The following MARCHF11 variants were observed in gnomAD, a reference collection of about 807,000 sequenced individuals.
MARCHF11 encodes E3 ubiquitin-protein ligase MARCHF11.
Under a neutral mutation model 37.3 loss-of-function variants are expected in MARCHF11, and 29 were observed. The observed-to-expected ratio is 0.78, with a 90% CI of 0.58 to 1.06. The LOEUF (loss-of-function observed/expected upper bound fraction) is 1.06, where lower values mean the gene tolerates loss of function less well. MARCHF11 is among the 50% of genes least tolerant of loss of function. The pLI, the probability that MARCHF11 is intolerant of heterozygous loss-of-function variation, is 0.00. For synonymous variants in MARCHF11, 233 were observed against 228.0 expected, an observed-to-expected ratio of 1.02 and a Z score of -0.20; for missense variants, 482 against 533.4, an observed-to-expected ratio of 0.90 and a Z score of 0.95.
chr5:16,168,285 A>G (rs892351411), intron 2 of MARCHF11, among the ~76,000 whole-genome samples: 1 of 152,068 alleles, frequency 6.6e-6, no homozygotes, highest in Non-Finnish European at 1.5e-5. Flanking sequence ...ACCCATCCTT[A>G]TATGTTTCAC....
In MARCHF11 at chr5:16,159,009, T is replaced by C. The variant is rs6897610; in HGVS notation, c.693+18717A>G. On this transcript the variant is annotated intron_variant, in intron 2 of 3. Coordinates refer to ENST00000332432, the MANE Select transcript of MARCHF11 (RefSeq NM_001102562.3). The stretch of plus-strand genomic sequence containing the variant: ...AATGATAAGTATGCAAGATAATGGA[T>C]ATGCCAACTAGCTCAATTTAGCCAT... 8.6e-3 allele frequency among the ~76,000 whole-genome samples: 1,306 copies of C among 152,020 alleles called. 23 individuals are homozygous for C. Among genetic ancestry groups the C allele is most frequent in the African/African-American group, 0.03 (1,231 of 41,494 alleles).
chr5:16,092,997 C>T (rs1042774751), intron 2 of MARCHF11, among the ~76,000 whole-genome samples: 1 of 152,178 alleles, frequency 6.6e-6, no homozygotes, highest in African/African-American at 2.4e-5. Flanking sequence ...GTTTTGAATG[C>T]AATATGGTGA....
chr5:16,068,604 T>C (rs1736387748), intron 3 of MARCHF11, among the ~76,000 whole-genome samples: 1 of 152,196 alleles, frequency 6.6e-6, no homozygotes, highest in South Asian at 2.1e-4. Context: ...GAAAATAAAG[T>C]AATACAGCAA....
chr5:16,069,688 C>T (rs973375558), intron 3 of MARCHF11, among the ~76,000 whole-genome samples: 4 of 151,986 alleles, frequency 2.6e-5, no homozygotes, highest in Non-Finnish European at 4.4e-5. Context: ...TGGAAGAAAG[C>T]GGGGAAAATC....
chr5:16,137,231 A>T (rs1447485892), intron 2 of MARCHF11, among the ~76,000 whole-genome samples: 1 of 152,174 alleles, frequency 6.6e-6, no homozygotes, highest in Non-Finnish European at 1.5e-5. Flanking sequence ...AGCTCCCATC[A>T]TCCCCATGTG....
At chr5:16,160,317 T>A (rs972836110) in intron 2 of MARCHF11, among the ~76,000 whole-genome samples, 1 of 18,818 alleles carries the variant, frequency 5.3e-5, no homozygotes, top group Non-Finnish European at 8.9e-4. Context: ...ATATTTAATA[T>A]AAACATTTAA....
intron 2 of MARCHF11, among the ~76,000 whole-genome samples, chr5:16,100,310 ACTC>A (rs1437094880): frequency 1.3e-5 from 2 of 152,122 alleles, no homozygotes; most frequent in Non-Finnish European, 2.9e-5. Context: ...CTGCCCTTTA[ACTC>A]CAGGACCAGA....
At chr5:16,107,602 G>T (rs1737065018) in intron 2 of MARCHF11, among the ~76,000 whole-genome samples, 1 of 152,100 alleles carries the variant, frequency 6.6e-6, no homozygotes, top group Admixed American at 6.5e-5. Context: ...CCCCAGCAAA[G>T]GCCCAGCTTA....
chr5:16,119,134 G>A (rs1737269495), intron 2 of MARCHF11, among the ~76,000 whole-genome samples: 1 of 151,944 alleles, frequency 6.6e-6, no homozygotes, highest in Admixed American at 6.6e-5. Flanking sequence ...AGGCCGAGGT[G>A]GGTGGATCAC....
intron 2 of MARCHF11, among the ~76,000 whole-genome samples, chr5:16,137,971 CT>C (rs1737635066): frequency 6.6e-6 from 1 of 152,150 alleles, no homozygotes; most frequent in African/African-American, 2.4e-5. Flanking sequence ...GGAATTGGAA[CT>C]TATGTTTAAG....
At position 16,179,607 on chromosome 5, in the gene MARCHF11, G is replaced by C. The variant is rs1579431872; in HGVS notation, c.-32C>G. 8.7e-7 allele frequency: 1 copy of C among 1,151,488 alleles called. No homozygotes were observed. Among genetic ancestry groups the C allele is most frequent in the Non-Finnish European group, 1.1e-6 (1 of 936,806 alleles). The allele number at this position is 1,151,488 out of a possible 1,614,324, so 71.3% of individuals were successfully genotyped here. A position where few individuals can be genotyped will look rare whatever the true frequency, so the allele number is the denominator to read the frequency against. On this transcript the variant is annotated 5_prime_UTR_variant, in exon 1 of 4. Transcript: ENST00000332432. ...GCCGCCGCCGCCCTCCTGCCGGCCC[G>C]GCTGGCGGGCCGGGCTCTGGCTGCA...
At chr5:16,081,522 G>A (rs1736607596) in intron 3 of MARCHF11, among the ~76,000 whole-genome samples, 1 of 152,182 alleles carries the variant, frequency 6.6e-6, no homozygotes, top group African/African-American at 2.4e-5. Context: ...CACAGGCGGT[G>A]GACTGGATTT....
intron 3 of MARCHF11, among the ~76,000 whole-genome samples, chr5:16,085,338 G>A (rs182851015): frequency 9.2e-5 from 14 of 152,104 alleles, no homozygotes; most frequent in East Asian, 1.9e-4. Context: ...CCTGCATGTC[G>A]CATCCCTGCG....
At chr5:16,139,261 G>C (rs1239060151) in intron 2 of MARCHF11, among the ~76,000 whole-genome samples, 2 of 152,148 alleles carry the variant, frequency 1.3e-5, no homozygotes, top group Non-Finnish European at 2.9e-5. Flanking sequence ...TAGTGAATAA[G>C]TCTCATGAGA....
chr5:16,146,787 G>A (rs1737803970), intron 2 of MARCHF11, among the ~76,000 whole-genome samples: 1 of 152,136 alleles, frequency 6.6e-6, no homozygotes. Context: ...CACTTTGAAG[G>A]CAGGCCAGCT....
intron 2 of MARCHF11, among the ~76,000 whole-genome samples, chr5:16,113,756 A>G (rs1737185599): frequency 6.6e-6 from 1 of 152,180 alleles, no homozygotes; most frequent in South Asian, 2.1e-4. Flanking sequence ...GATATCCATT[A>G]CCTCCAATAT....
At position 16,142,689 on chromosome 5, in the gene MARCHF11, C is replaced by CTTT. The variant is rs11369577; in HGVS notation, c.693+35034_693+35036dup. Among the ~76,000 whole-genome samples the CTTT allele has an allele frequency of 2.4e-4, 26 of 110,300 alleles. 1 individual carries two copies. The highest frequency in any genetic ancestry group is 3.6e-4 in the African/African-American group (10 of 27,440). The allele number at this position is 110,300 out of a possible 152,430, so 72.4% of individuals were successfully genotyped here. A position where few individuals can be genotyped will look rare whatever the true frequency, so the allele number is the denominator to read the frequency against. ...CCTGTGTACACTTCTTATATTTTAT[C>CTTT]TTTTTTTTTTTTTTTTTTTGAGATG... On this transcript the variant is annotated intron_variant, in intron 2 of 3. Coordinates refer to ENST00000332432, the MANE Select transcript of MARCHF11 (RefSeq NM_001102562.3).
At chr5:16,076,879 G>A (rs1055218756) in intron 3 of MARCHF11, among the ~76,000 whole-genome samples, 6 of 152,330 alleles carry the variant, frequency 3.9e-5, no homozygotes, top group Non-Finnish European at 7.3e-5. Context: ...TCCTCAGCCT[G>A]CGAAATGGCC....
At chr5:16,149,822 T>G (rs903922177) in intron 2 of MARCHF11, among the ~76,000 whole-genome samples, 4 of 152,052 alleles carry the variant, frequency 2.6e-5, no homozygotes, top group Non-Finnish European at 5.9e-5. Flanking sequence ...GCACCCGTGG[T>G]ACATCCATAC....
Sources: gnomAD v4.1 joint callset for allele counts (sites outside exome capture counted in the v4.1 genomes callset) on GRCh38, gnomAD v4.1.1 for gene constraint, MANE v1.5 for transcripts, NCBI Gene and HGNC (gene_info 2026-07-23, HGNC 2026-07-21) for gene names.